PCDH11X: variants seen among roughly 807,000 people sequenced by gnomAD.
The protein encoded by PCDH11X is protocadherin 11 X-linked, also known as protocadherin-11 X-linked.
Under a neutral mutation model 53.3 loss-of-function variants are expected in PCDH11X, and 18 were observed. That is an observed-to-expected ratio of 0.34 (90% CI 0.23 to 0.50). The LOEUF is 0.50. Ranked by LOEUF, PCDH11X falls within the 20% of genes least tolerant of loss-of-function variation. The pLI is 0.98. For missense variants in PCDH11X, 570 were observed against 1,032.4 expected, an observed-to-expected ratio of 0.55 and a Z score of 6.14; for synonymous variants, 279 against 393.3, an observed-to-expected ratio of 0.71 and a Z score of 3.44.
intron 8 of PCDH11X, among the ~76,000 whole-genome samples, chrX:92,348,474 G>A (rs1229405233): frequency 5.6e-5 from 6 of 106,900 alleles, no homozygotes; most frequent in Non-Finnish European, 1.2e-4. Context: ...TCATCTATGA[G>A]ATGTTTTAAT....
intron 7 of PCDH11X, among the ~76,000 whole-genome samples, chrX:92,231,946 C>T (rs1289234567): frequency 9.0e-6 from 1 of 111,494 alleles, no homozygotes; most frequent in Non-Finnish European, 1.9e-5. Context: ...CACTTCATTC[C>T]AATGTGACTA....
chrX:91,914,200 G>C (rs191857045), intron 6 of PCDH11X, among the ~76,000 whole-genome samples: 3 of 110,493 alleles, frequency 2.7e-5, no homozygotes, highest in Non-Finnish European at 5.7e-5. Context: ...CTAGGGGAAG[G>C]GGGAGAGCAC....
chrX:92,494,123 A>G (rs2073818701), intron 10 of PCDH11X, among the ~76,000 whole-genome samples: 1 of 109,874 alleles, frequency 9.1e-6, no homozygotes, highest in South Asian at 3.9e-4. Context: ...TATCTATTCT[A>G]AAGGTAGTTA....
chrX:92,152,395 C>T (rs934736650), intron 6 of PCDH11X, among the ~76,000 whole-genome samples: 33 of 109,601 alleles, frequency 3.0e-4, no homozygotes, highest in Non-Finnish European at 5.5e-4. Context: ...GACTCTTTCC[C>T]CAAATTAAAA....
chrX:91,780,495 G>A (rs1386015076), intron 1 of PCDH11X, among the ~76,000 whole-genome samples: 3 of 112,086 alleles, frequency 2.7e-5, no homozygotes, highest in African/African-American at 9.7e-5. Context: ...GACATAAAAG[G>A]GTTCCTCTTT....
At chrX:91,791,684 T>G (rs1273407096) in intron 1 of PCDH11X, among the ~76,000 whole-genome samples, 4 of 49,952 alleles carry the variant, frequency 8.0e-5, no homozygotes, top group Admixed American at 1.5e-4. Context: ...CTTTTTAGGG[T>G]TTTTTTTTTT....
intron 8 of PCDH11X, among the ~76,000 whole-genome samples, chrX:92,305,474 G>C (rs1450796442): frequency 7.3e-5 from 8 of 109,458 alleles, no homozygotes. Flanking sequence ...CTCTTCCTCA[G>C]TCGTATCGAA....
chrX:92,605,905 G>A (rs1391865208), intron 10 of PCDH11X, among the ~76,000 whole-genome samples: 1 of 110,007 alleles, frequency 9.1e-6, no homozygotes, highest in African/African-American at 3.3e-5. Flanking sequence ...CTTCAGATTC[G>A]ACACAATTCA....
intron 6 of PCDH11X, among the ~76,000 whole-genome samples, chrX:91,884,190 C>CAAAAA (rs34953838): frequency 2.7e-4 from 10 of 37,727 alleles, no homozygotes; most frequent in African/African-American, 8.9e-4. Context: ...GACTCCGTCT[C>CAAAAA]AAAAAAAAAA....
chrX:92,311,296 C>T (rs1458372483), intron 8 of PCDH11X, among the ~76,000 whole-genome samples: 3 of 109,722 alleles, frequency 2.7e-5, no homozygotes, highest in African/African-American at 6.6e-5. Context: ...CCTTATAAAA[C>T]TGGAAGTGTT....
intron 8 of PCDH11X, among the ~76,000 whole-genome samples, chrX:92,282,562 A>C (rs2148446358): frequency 8.9e-6 from 1 of 111,926 alleles, no homozygotes; most frequent in African/African-American, 3.2e-5. Context: ...CAACTATAAT[A>C]AAATGATATG....
intron 10 of PCDH11X, among the ~76,000 whole-genome samples, chrX:92,614,416 C>G (rs1405865589): frequency 9.4e-6 from 1 of 106,257 alleles, no homozygotes; most frequent in East Asian, 3.0e-4. Flanking sequence ...CTTGTCTTTG[C>G]TTCTGTAACC....
At chrX:92,440,201 G>A (rs1211122415) in intron 9 of PCDH11X, among the ~76,000 whole-genome samples, 2 of 108,113 alleles carry the variant, frequency 1.8e-5, no homozygotes, top group East Asian at 5.9e-4. Flanking sequence ...GGGAGTACAT[G>A]TGCAGTATGT....
intron 6 of PCDH11X, among the ~76,000 whole-genome samples, chrX:92,175,776 G>GTGTGTGTGTGTGTATA (rs779454685): frequency 2.5e-5 from 2 of 79,287 alleles, no homozygotes; most frequent in South Asian, 7.2e-4. Context: ...GTGTGTGTGT[G>GTGTGTGTGTGTGTATA]TATATATATA....
At chrX:92,287,685 GTATAT>G (rs1377884218) in intron 8 of PCDH11X, among the ~76,000 whole-genome samples, 3 of 111,720 alleles carry the variant, frequency 2.7e-5, no homozygotes, top group Non-Finnish European at 5.6e-5. Context: ...TTCTTATGCA[GTATAT>G]TATTTCTTTA....
intron 4 of PCDH11X, among the ~76,000 whole-genome samples, chrX:91,813,093 G>A (rs1449236738): frequency 9.0e-6 from 1 of 111,306 alleles, no homozygotes; most frequent in Non-Finnish European, 1.9e-5. Context: ...GCCAAATTAA[G>A]CCAAGGTGAA....
At chrX:92,221,256 TA>T (rs201957495) in intron 7 of PCDH11X, among the ~76,000 whole-genome samples, 1 of 91,912 alleles carries the variant, frequency 1.1e-5, no homozygotes, top group Non-Finnish European at 2.1e-5. Flanking sequence ...ATTTTTTTTT[TA>T]AAAAAGAAAA....
intron 8 of PCDH11X, among the ~76,000 whole-genome samples, chrX:92,336,343 AT>A (rs1301963419): frequency 1.8e-5 from 2 of 111,677 alleles, no homozygotes; most frequent in Non-Finnish European, 3.8e-5. Context: ...ATATTTCAAG[AT>A]TTTCATTGTA....
At chrX:91,799,341 C>T (rs1489904693) in intron 1 of PCDH11X, among the ~76,000 whole-genome samples, 1 of 111,437 alleles carries the variant, frequency 9.0e-6, no homozygotes, top group Non-Finnish European at 1.9e-5. Context: ...TAAAAGACCA[C>T]ATGTCTATTG....
Sources: gnomAD v4.1 joint callset for allele counts (sites outside exome capture counted in the v4.1 genomes callset) on GRCh38, gnomAD v4.1.1 for gene constraint, MANE v1.5 for transcripts, NCBI Gene and HGNC (gene_info 2026-07-23, HGNC 2026-07-21) for gene names.